The following GHR variants were observed in gnomAD, a reference collection of about 807,000 sequenced individuals.
The protein encoded by GHR is GH receptor.
A neutral mutation model predicts 67.1 loss-of-function variants in GHR; 35 were observed. The observed-to-expected ratio is 0.52, with a 90% CI of 0.40 to 0.69. The LOEUF is 0.69. Ranked by LOEUF, GHR falls within the 30% of genes least tolerant of loss-of-function variation. The probability of loss-of-function intolerance (pLI) is 0.00; values close to 1 mark genes in which losing one functional copy is unlikely to be tolerated. For missense variants in GHR, 792 were observed against 764.6 expected (o/e 1.04, Z -0.42); for synonymous variants, 272 against 269.1 (o/e 1.01, Z -0.10).
intron 1 of GHR, among the ~76,000 whole-genome samples, chr5:42,485,547 TAGA>T (rs1457317129): frequency 1.3e-5 from 2 of 152,352 alleles, no homozygotes; most frequent in African/African-American, 4.8e-5. Context: ...GCTACCCAGT[TAGA>T]AGAGTTATGG....
At chr5:42,629,701 C>T (rs1753856381) in intron 3 of GHR, among the ~76,000 whole-genome samples, 1 of 130,588 alleles carries the variant, frequency 7.7e-6, no homozygotes, top group Non-Finnish European at 1.6e-5. Context: ...TTTGCTTGTG[C>T]TTGGAGGTTA....
At chr5:42,477,144 T>C (rs554349079) in intron 1 of GHR, among the ~76,000 whole-genome samples, 158 of 151,428 alleles carry the variant, frequency 1.0e-3, no homozygotes, top group African/African-American at 3.8e-3. Flanking sequence ...TTGGTTTTTT[T>C]TCCTTGCGAT....
intron 2 of GHR, among the ~76,000 whole-genome samples, chr5:42,590,470 A>G (rs1328681181): frequency 6.6e-6 from 1 of 152,190 alleles, no homozygotes; most frequent in African/African-American, 2.4e-5. Context: ...TGTGGGGAAG[A>G]CTGCTGTGTT....
chr5:42,623,035 A>G (rs1356761816), intron 2 of GHR, among the ~76,000 whole-genome samples: 1 of 152,178 alleles, frequency 6.6e-6, no homozygotes, highest in East Asian at 1.9e-4. Context: ...TCCATAGGAA[A>G]AGACATGTCC....
chr5:42,494,179 A>T (rs770869000), intron 1 of GHR, among the ~76,000 whole-genome samples: 1 of 152,158 alleles, frequency 6.6e-6, no homozygotes, highest in Non-Finnish European at 1.5e-5. Flanking sequence ...ACTAAAGGGA[A>T]CACCAGCTCC....
In GHR at chr5:42,509,867, T is replaced by G. The variant is rs1183865084; in HGVS notation, c.-11-55997T>G. Among the ~76,000 whole-genome samples, 4 of 152,196 alleles carry G rather than the reference T, an allele frequency of 2.6e-5. No individual in the cohort carries two copies. The East Asian group carries it at 7.7e-4, about 29-fold the overall frequency. On this transcript the variant is annotated intron_variant, in intron 1 of 9. Transcript: ENST00000230882. ...CCTGTGCTCTAGCTGCTAGTGGGTT[T>G]TTGGAAAATCAGTATCTGATGGGCA...
intron 2 of GHR, among the ~76,000 whole-genome samples, chr5:42,600,104 A>C (rs985793282): frequency 4.6e-5 from 7 of 152,186 alleles, no homozygotes; most frequent in Admixed American, 3.9e-4. Context: ...AGTTCCAGGG[A>C]AGGGGTCGGG....
At chr5:42,479,349 T>C (rs1165031633) in intron 1 of GHR, among the ~76,000 whole-genome samples, 1 of 152,228 alleles carries the variant, frequency 6.6e-6, no homozygotes, top group African/African-American at 2.4e-5. Context: ...AAATTCTCTT[T>C]TTTGGTTGTG....
chr5:42,565,390 C>G, intron 1 of GHR: 1 of 932,246 alleles, frequency 1.1e-6, no homozygotes, highest in African/African-American at 1.8e-5. Flanking sequence ...GGTTTGAGCT[C>G]TTTTGTTCAC....
chr5:42,555,682 G>T (rs1749267201), intron 1 of GHR, among the ~76,000 whole-genome samples: 1 of 152,106 alleles, frequency 6.6e-6, no homozygotes, highest in Admixed American at 6.6e-5. Flanking sequence ...AAATAAGAAG[G>T]TACCTGGCAC....
At chr5:42,632,991 C>A (rs749516363) in intron 3 of GHR, among the ~76,000 whole-genome samples, 1 of 152,092 alleles carries the variant, frequency 6.6e-6, no homozygotes, top group Non-Finnish European at 1.5e-5. Context: ...TGTGGTTGCA[C>A]GTTCTTTGTA....
At chr5:42,638,080 C>T (rs1481161240) in intron 3 of GHR, among the ~76,000 whole-genome samples, 1 of 152,144 alleles carries the variant, frequency 6.6e-6, no homozygotes, top group Non-Finnish European at 1.5e-5. Context: ...GCTGGGATTA[C>T]AGTCGTGCAC....
At chr5:42,644,040 T>A (rs995872487) in intron 3 of GHR, among the ~76,000 whole-genome samples, 1 of 152,056 alleles carries the variant, frequency 6.6e-6, no homozygotes, top group African/African-American at 2.4e-5. Flanking sequence ...ATAAAAGAAA[T>A]GGTAGGATTA....
At chr5:42,686,329 G>T (rs1186891508) in intron 3 of GHR, among the ~76,000 whole-genome samples, 1 of 129,676 alleles carries the variant, frequency 7.7e-6, no homozygotes, top group East Asian at 2.5e-4. Flanking sequence ...GTACCATGCT[G>T]TCTTTGTTAC....
chr5:42,636,690 AT>A lies in GHR; in HGVS notation c.136+7588del, dbSNP rs371156506. The stretch of plus-strand genomic sequence containing the variant: ...TAATGTACATTTATGCACTGGGAAA[AT>A]ATCTTGAATTTATTATTTAGGTGTA... On this transcript the variant is annotated intron_variant, in intron 3 of 9. Transcript: ENST00000230882. 8.5e-4 allele frequency among the ~76,000 whole-genome samples: 130 copies of A among 152,288 alleles called. No individual in the cohort carries two copies. The East Asian group carries it at 0.019, about 22-fold the overall frequency.
chr5:42,454,084 C>T (rs1744159692), intron 1 of GHR, among the ~76,000 whole-genome samples: 1 of 152,168 alleles, frequency 6.6e-6, no homozygotes. Context: ...TCTAGCCACC[C>T]AATGGAGTTA....
At chr5:42,488,580 T>A (rs538133400) in intron 1 of GHR, among the ~76,000 whole-genome samples, 4 of 152,208 alleles carry the variant, frequency 2.6e-5, no homozygotes, top group Non-Finnish European at 4.4e-5. Context: ...AGGGTTTTGA[T>A]TGATGTATTG....
chr5:42,554,222 G>A (rs1749189027), intron 1 of GHR, among the ~76,000 whole-genome samples: 1 of 152,048 alleles, frequency 6.6e-6, no homozygotes, highest in Admixed American at 6.5e-5. Flanking sequence ...TACAGCCAAG[G>A]CTAAGAACTA....
intron 3 of GHR, among the ~76,000 whole-genome samples, chr5:42,678,166 CAA>C (rs1243058255): frequency 6.6e-6 from 1 of 152,056 alleles, no homozygotes; most frequent in East Asian, 1.9e-4. Context: ...GTAATTTGCC[CAA>C]GATTACAGAT....
Sources: allele counts gnomAD v4.1 joint callset (sites outside exome capture counted in the v4.1 genomes callset), GRCh38; gene constraint gnomAD v4.1.1; transcripts MANE v1.5; gene names NCBI Gene and HGNC (gene_info 2026-07-23, HGNC 2026-07-21).